The following DCK variants were observed in gnomAD, a reference collection of about 807,000 sequenced individuals.
DCK encodes the protein deoxycytidine kinase.
DCK carries 23 observed loss-of-function variants against 38.3 expected under a neutral mutation model. The ratio of observed to expected loss-of-function variants is 0.60; its 90% CI spans 0.43 to 0.85. DCK has a LOEUF of 0.85. Among genes scored for constraint, DCK ranks in the 40% least tolerant of loss-of-function variants. The pLI is 0.00. For synonymous variants in DCK, 108 were observed against 100.6 expected (o/e 1.07, Z -0.44); for missense variants, 259 against 304.4 (o/e 0.85, Z 1.11).
chr4:70,995,907 A>T (rs1739649798), intron 1 of DCK, among the ~76,000 whole-genome samples: 1 of 151,956 alleles, frequency 6.6e-6, no homozygotes, highest in African/African-American at 2.4e-5. Flanking sequence ...ATTGGCCTGC[A>T]CAGGTTGAAA....
intron 2 of DCK, among the ~76,000 whole-genome samples, chr4:70,999,379 C>A (rs1739732380): frequency 6.6e-6 from 1 of 152,198 alleles, no homozygotes; most frequent in Admixed American, 6.5e-5. Context: ...GCATAGTATT[C>A]TTTGGTGTAT....
chr4:70,997,027 C>T (rs72552073), intron 1 of DCK, among the ~76,000 whole-genome samples: 81 of 152,340 alleles, frequency 5.3e-4, no homozygotes, highest in African/African-American at 1.9e-3. Context: ...TGATTGGGAA[C>T]TCTAGCTGTT....
chr4:71,016,661 C>G (rs895550563), intron 2 of DCK, among the ~76,000 whole-genome samples: 3 of 152,088 alleles, frequency 2.0e-5, no homozygotes, highest in Non-Finnish European at 4.4e-5. Flanking sequence ...TTTGACAAAC[C>G]TGAGAAAAAC....
intron 2 of DCK, among the ~76,000 whole-genome samples, chr4:71,009,227 T>A (rs541866458): frequency 1.8e-4 from 27 of 152,232 alleles, no homozygotes; most frequent in Non-Finnish European, 3.4e-4. Context: ...GAGGTTCAAA[T>A]ATGTGGGATG....
chr4:71,025,794 A>G (rs1339743778), intron 4 of DCK, 22 bp from the exon 5 acceptor site: 2 of 1,573,042 alleles, frequency 1.3e-6, no homozygotes, highest in East Asian at 4.5e-5. Flanking sequence ...TTTTTCTTCC[A>G]TCTCTTATTA....
At chr4:71,024,239 A>G (rs1245808623) in intron 4 of DCK, among the ~76,000 whole-genome samples, 3 of 152,130 alleles carry the variant, frequency 2.0e-5, no homozygotes, top group Admixed American at 6.5e-5. Flanking sequence ...AATGGCAGCT[A>G]TCGTTGGGAA....
rs997237014 is a variant in DCK, at chr4:70,993,687, C to G, written c.-149C>G. The G allele has an allele frequency of 5.1e-6, 3 of 583,314 alleles. No homozygotes were observed. Among genetic ancestry groups the G allele is most frequent in the African/African-American group, 2.0e-5 (1 of 51,218 alleles). 36.1% of individuals were successfully genotyped at this position (583,314 alleles called of 1,614,324 possible). On this transcript the variant is annotated 5_prime_UTR_variant, in exon 1 of 7. Transcript: ENST00000286648. Reference sequence around the variant, plus strand: ...GCCTCCGCGCGCCAAAGTCAAACCCCGACACCCGCCGGCGGGCCGGTGAGC... The same window carrying G: ...GCCTCCGCGCGCCAAAGTCAAACCCGGACACCCGCCGGCGGGCCGGTGAGC...
rs114045559 is a variant in DCK at position 71,008,500 on chromosome 4, C to T, written c.207+10318C>T. The stretch of plus-strand genomic sequence containing the variant: ...TCACTGCATTTTTAATGTAGCTTTT[C>T]GCTGAAGTACCTACTCAAGTTTGCT... On this transcript the variant is annotated intron_variant, in intron 2 of 6. Transcript: ENST00000286648. Among the ~76,000 whole-genome samples the T allele has an allele frequency of 8.4e-3, 1,281 of 152,260 alleles. 9 individuals carry two copies. Among genetic ancestry groups the T allele is most frequent in the African/African-American group, 0.029 (1,197 of 41,546 alleles).
chr4:71,030,702 G>GT lies in DCK; in HGVS notation c.*1325dup, dbSNP rs1432540468. 3.6e-4 allele frequency: 54 copies of GT among 152,090 alleles called. 1 individual carries two copies. The highest frequency in any genetic ancestry group is 1.2e-3 in the African/African-American group (50 of 41,504). The allele number at this position is 152,090 out of a possible 1,614,324, so 9.4% of individuals were successfully genotyped here. A position where few individuals can be genotyped will look rare whatever the true frequency, so the allele number is the denominator to read the frequency against. On this transcript the variant is annotated 3_prime_UTR_variant, in exon 7 of 7. Transcript: ENST00000286648. ...AATGTAATTTCAGTTCTAAAAAGATGTAATAATCATTTTAGAATTAAAATT... is the reference window on the plus strand; with the variant it reads ...AATGTAATTTCAGTTCTAAAAAGATGTTAATAATCATTTTAGAATTAAAATT...
chr4:71,018,569 T>A (rs1415578698), intron 2 of DCK, among the ~76,000 whole-genome samples: 1 of 152,162 alleles, frequency 6.6e-6, no homozygotes, highest in African/African-American at 2.4e-5. Context: ...AGTTTCACTC[T>A]GACACATTCA....
At position 70,998,125 on chromosome 4, in the gene DCK, G is replaced by C; in HGVS notation, c.150G>C (p.Val50=). 6.2e-7 allele frequency: 1 copy of C among 1,609,470 alleles called. No homozygotes were observed. The highest frequency in any genetic ancestry group is 8.5e-7 in the Non-Finnish European group (1 of 1,177,056). ...ILKQLCEDWE[V]VPEPVARWCN... is the part of the protein sequence containing the mutation. ...AACAATTGTGTGAAGATTGGGAAGTGGTTCCTGAACCTGTTGCCAGATGGT... is the reference window on the plus strand; with the variant it reads ...AACAATTGTGTGAAGATTGGGAAGTCGTTCCTGAACCTGTTGCCAGATGGT... Residue 50 remains valine (V), a synonymous_variant, in exon 2 of 7, where the codon GTG becomes GTC. Transcript: ENST00000286648.
chr4:71,022,586 C>A, intron 3 of DCK, 26 bp downstream of exon 3: 1 of 1,312,888 alleles, frequency 7.6e-7, no homozygotes, highest in Non-Finnish European at 9.8e-7. Flanking sequence ...TTGTACGTGG[C>A]CATTTGAAGT....
chr4:71,013,770 A>G (rs1343564377), intron 2 of DCK, among the ~76,000 whole-genome samples: 1 of 152,212 alleles, frequency 6.6e-6, no homozygotes, highest in East Asian at 1.9e-4. Flanking sequence ...CACTAAACAT[A>G]GAAAGGAACA....
chr4:71,029,328 AT>A lies in DCK; in HGVS notation c.757-15del, dbSNP rs760267267. Reference sequence around the variant, plus strand: ...TCAAATTAGTCAAGGAATTATACTGATTTTTTTTTCTTCCTTTCCTCAGGTC... The same window carrying A: ...TCAAATTAGTCAAGGAATTATACTGATTTTTTTTCTTCCTTTCCTCAGGTC... On this transcript the variant is annotated intron_variant, in intron 6 of 6. Transcript: ENST00000286648. 6.8e-5 allele frequency: 104 copies of A among 1,529,872 alleles called. No individual in the cohort carries two copies. The Middle Eastern group carries it at 2.1e-3, about 30-fold the overall frequency. The allele number at this position is 1,529,872 out of a possible 1,614,324, so 94.8% of individuals were successfully genotyped here.
At chr4:71,029,186 G>T (rs1355414035) in intron 6 of DCK, among the ~76,000 whole-genome samples, 166 bp from the exon 7 acceptor site, 1 of 152,202 alleles carries the variant, frequency 6.6e-6, no homozygotes, top group South Asian at 2.1e-4. Flanking sequence ...GAGCCGCTGC[G>T]CCCGGCCTTA....
rs2363439 is a variant in DCK at position 71,021,953 on chromosome 4, A to C, written c.208-414A>C. On this transcript the variant is annotated intron_variant, in intron 2 of 6. Transcript: ENST00000286648. ...GTAGGTGGAGGTTGCAGTGAGCTGAAATCGTGCCACTGCACTCCAGCTGGG... is the reference window on the plus strand; with the variant it reads ...GTAGGTGGAGGTTGCAGTGAGCTGACATCGTGCCACTGCACTCCAGCTGGG... Among the ~76,000 whole-genome samples, 31 of 152,214 alleles carry C rather than the reference A, an allele frequency of 2.0e-4. No homozygotes were observed. In the East Asian group the frequency reaches 6.0e-3, roughly 29 times the overall value.
At chr4:71,004,701 G>C (rs1440653233) in intron 2 of DCK, among the ~76,000 whole-genome samples, 1 of 152,234 alleles carries the variant, frequency 6.6e-6, no homozygotes, top group Non-Finnish European at 1.5e-5. Context: ...TCAGGGGTTT[G>C]CCAAGCTGTG....
At chr4:71,008,282 C>T (rs1487886296) in intron 2 of DCK, among the ~76,000 whole-genome samples, 1 of 152,150 alleles carries the variant, frequency 6.6e-6, no homozygotes, top group East Asian at 1.9e-4. Context: ...ATGTCTTTGC[C>T]AGCATTTAGT....
intron 2 of DCK, among the ~76,000 whole-genome samples, chr4:71,018,397 G>A (rs1740328386): frequency 6.6e-6 from 1 of 152,014 alleles, no homozygotes; most frequent in South Asian, 2.1e-4. Context: ...CAAAGTGCTA[G>A]GATCACAGGC....
Sources: allele counts gnomAD v4.1 joint callset (sites outside exome capture counted in the v4.1 genomes callset), GRCh38; gene constraint gnomAD v4.1.1; transcripts MANE v1.5; gene names NCBI Gene and HGNC (gene_info 2026-07-23, HGNC 2026-07-21).